FAM174A: variants seen among roughly 807,000 people sequenced by gnomAD.
The protein encoded by FAM174A is membrane protein FAM174A.
Under a neutral mutation model 14.3 loss-of-function variants are expected in FAM174A, and 14 were observed. That is an observed-to-expected ratio of 0.98 (90% CI 0.65 to 1.53). FAM174A has a LOEUF of 1.53. FAM174A is among the 40% of genes most tolerant of loss of function. The pLI is 0.00. For synonymous variants in FAM174A, 108 were observed against 111.4 expected, an observed-to-expected ratio of 0.97 and a Z score of 0.19; for missense variants, 241 against 249.6, an observed-to-expected ratio of 0.97 and a Z score of 0.23.
At chr5:100,582,444 TTTA>T (rs1747039514) in intron 2 of FAM174A, among the ~76,000 whole-genome samples, 2 of 151,988 alleles carry the variant, frequency 1.3e-5, no homozygotes, top group Admixed American at 1.3e-4. Flanking sequence ...TAAAGGAAGA[TTTA>T]TTAAGTTTGT....
intron 1 of FAM174A, among the ~76,000 whole-genome samples, chr5:100,560,813 C>A (rs1452416108): frequency 1.3e-5 from 2 of 151,832 alleles, no homozygotes; most frequent in South Asian, 2.1e-4. Flanking sequence ...GAAATATTTT[C>A]TATTTATTTT....
At chr5:100,572,443 TTCCTGTG>T (rs1746807909) in intron 2 of FAM174A, among the ~76,000 whole-genome samples, 1 of 112,972 alleles carries the variant, frequency 8.9e-6, no homozygotes. Flanking sequence ...GATATTCCCC[TTCCTGTG>T]TCCATGTGAT....
At chr5:100,550,480 T>C (rs892760716) in intron 1 of FAM174A, among the ~76,000 whole-genome samples, 1 of 152,174 alleles carries the variant, frequency 6.6e-6, no homozygotes, top group Non-Finnish European at 1.5e-5. Context: ...TGCCAATCTA[T>C]ATATTTTACT....
intron 1 of FAM174A, among the ~76,000 whole-genome samples, chr5:100,558,272 T>A (rs1271077332): frequency 6.6e-6 from 1 of 152,172 alleles, no homozygotes; most frequent in African/African-American, 2.4e-5. Flanking sequence ...TATTCCTGAG[T>A]TCTAGTTTGA....
chr5:100,576,734 T>G (rs1746913370), intron 2 of FAM174A, among the ~76,000 whole-genome samples: 2 of 152,126 alleles, frequency 1.3e-5, no homozygotes, highest in South Asian at 4.1e-4. Flanking sequence ...TGTAGGTTTC[T>G]GGGAAAAAAA....
At chr5:100,571,891 G>C (rs1231892060) in intron 2 of FAM174A, among the ~76,000 whole-genome samples, 1 of 151,734 alleles carries the variant, frequency 6.6e-6, no homozygotes, top group Non-Finnish European at 1.5e-5. Flanking sequence ...ATAGTTACAT[G>C]TGTTATATGT....
intron 1 of FAM174A, among the ~76,000 whole-genome samples, chr5:100,558,017 T>C (rs1440162228): frequency 6.6e-6 from 1 of 152,212 alleles, no homozygotes; most frequent in East Asian, 1.9e-4. Flanking sequence ...CTAGTTCTTT[T>C]AATTGTGATG....
intron 2 of FAM174A, among the ~76,000 whole-genome samples, chr5:100,579,204 T>G (rs1746958740): frequency 1.3e-5 from 2 of 152,176 alleles, no homozygotes; most frequent in Admixed American, 1.3e-4. Context: ...AAATTCCAGT[T>G]AGTTCAGTTG....
intron 2 of FAM174A, among the ~76,000 whole-genome samples, chr5:100,566,045 A>G (rs894897722): frequency 3.3e-5 from 5 of 150,312 alleles, no homozygotes; most frequent in Admixed American, 1.3e-4. Flanking sequence ...GGTTCCTTCC[A>G]TGATACCTGA....
intron 2 of FAM174A, among the ~76,000 whole-genome samples, chr5:100,574,845 C>T (rs1456811005): frequency 6.6e-6 from 1 of 152,112 alleles, no homozygotes; most frequent in African/African-American, 2.4e-5. Flanking sequence ...AACAGAACTA[C>T]AGTAGGAGTG....
At chr5:100,536,643 A>C (rs935609216) in intron 1 of FAM174A, among the ~76,000 whole-genome samples, 4 of 152,238 alleles carry the variant, frequency 2.6e-5, no homozygotes, top group African/African-American at 9.6e-5. Context: ...AGAAGCCAGC[A>C]AAGAGATAAG....
intron 2 of FAM174A, among the ~76,000 whole-genome samples, chr5:100,583,499 TA>T (rs1275153144): frequency 5.3e-5 from 8 of 152,244 alleles, no homozygotes; most frequent in African/African-American, 1.9e-4. Context: ...CAGCTTCTTC[TA>T]CATCTTCTTC....
At chr5:100,573,699 T>C (rs1277463873) in intron 2 of FAM174A, among the ~76,000 whole-genome samples, 1 of 149,904 alleles carries the variant, frequency 6.7e-6, no homozygotes, top group East Asian at 1.9e-4. Context: ...TATCAATGAC[T>C]TTCTTCACAG....
chr5:100,572,784 G>C (rs1041938262), intron 2 of FAM174A, among the ~76,000 whole-genome samples: 1 of 152,108 alleles, frequency 6.6e-6, no homozygotes, highest in Non-Finnish European at 1.5e-5. Context: ...GGATGGCTGG[G>C]TCAAATGGCA....
At chr5:100,565,838 T>C (rs1746631890) in intron 2 of FAM174A, among the ~76,000 whole-genome samples, 1 of 151,538 alleles carries the variant, frequency 6.6e-6, no homozygotes, top group South Asian at 2.1e-4. Context: ...GACTCACAAT[T>C]CTGCATGGCT....
At chr5:100,547,503 A>T (rs1746186562) in intron 1 of FAM174A, among the ~76,000 whole-genome samples, 1 of 152,106 alleles carries the variant, frequency 6.6e-6, no homozygotes, top group Non-Finnish European at 1.5e-5. Context: ...TTATATGATG[A>T]TCTGCAAGGA....
chr5:100,556,142 GT>G (rs1460585858), intron 1 of FAM174A, among the ~76,000 whole-genome samples: 1 of 152,136 alleles, frequency 6.6e-6, no homozygotes, highest in Non-Finnish European at 1.5e-5. Flanking sequence ...AAGGGATCCA[GT>G]TTCAGCTCTC....
At chr5:100,563,001 C>T (rs1746559475) in intron 2 of FAM174A, among the ~76,000 whole-genome samples, 1 of 151,706 alleles carries the variant, frequency 6.6e-6, no homozygotes, top group Non-Finnish European at 1.5e-5. Flanking sequence ...AAACAGAAAT[C>T]TTAGGATTAC....
At chr5:100,556,065 T>C (rs539397263) in intron 1 of FAM174A, among the ~76,000 whole-genome samples, 1 of 152,376 alleles carries the variant, frequency 6.6e-6, no homozygotes, top group East Asian at 1.9e-4. Context: ...CTAGGGTTTT[T>C]ATGGTTTTAG....
Sources: allele counts gnomAD v4.1 joint callset (sites outside exome capture counted in the v4.1 genomes callset), GRCh38; gene constraint gnomAD v4.1.1; transcripts MANE v1.5; gene names NCBI Gene and HGNC (gene_info 2026-07-23, HGNC 2026-07-21).